KIF26B: variants seen among roughly 807,000 people sequenced by gnomAD.
KIF26B encodes kinesin-like protein KIF26B.
A neutral mutation model predicts 151.2 loss-of-function variants in KIF26B; 63 were observed. The observed-to-expected ratio is 0.42, with a 90% CI of 0.34 to 0.51. KIF26B has a LOEUF of 0.51. Ranked by LOEUF, KIF26B falls within the 20% of genes least tolerant of loss-of-function variation. The probability of loss-of-function intolerance (pLI) is 0.07; values close to 1 mark genes in which losing one functional copy is unlikely to be tolerated. For synonymous variants in KIF26B, 1,357 were observed against 1,262.1 expected, an observed-to-expected ratio of 1.08 and a Z score of -1.59; for missense variants, 2,813 against 2,913.6, an observed-to-expected ratio of 0.97 and a Z score of 0.79.
intron 2 of KIF26B, among the ~76,000 whole-genome samples, chr1:245,323,160 A>G (rs1029358912): frequency 2.0e-5 from 3 of 152,216 alleles, no homozygotes; most frequent in African/African-American, 7.2e-5. Flanking sequence ...TATCTTATTA[A>G]TGTTCACATG....
chr1:245,249,761 G>A (rs1670408608), intron 2 of KIF26B, among the ~76,000 whole-genome samples: 1 of 152,134 alleles, frequency 6.6e-6, no homozygotes, highest in Admixed American at 6.5e-5. Flanking sequence ...GGGATTACAG[G>A]CGTGAGCCAC....
chr1:245,442,990 G>C (rs1189363406), intron 4 of KIF26B, among the ~76,000 whole-genome samples: 10 of 43,614 alleles, frequency 2.3e-4, no homozygotes, highest in Admixed American at 1.1e-3. Flanking sequence ...TGTTCACCTA[G>C]AGCGGTCATC....
intron 2 of KIF26B, among the ~76,000 whole-genome samples, chr1:245,159,372 T>A (rs1668498197): frequency 6.6e-6 from 1 of 152,224 alleles, no homozygotes; most frequent in African/African-American, 2.4e-5. Flanking sequence ...TTGGTTCTTC[T>A]TCACCACTGA....
At chr1:245,341,732 T>G (rs564526313) in intron 2 of KIF26B, among the ~76,000 whole-genome samples, 1 of 152,310 alleles carries the variant, frequency 6.6e-6, no homozygotes, top group African/African-American at 2.4e-5. Flanking sequence ...TTCTCCACAT[T>G]GAAAAGTTCC....
intron 4 of KIF26B, among the ~76,000 whole-genome samples, chr1:245,539,943 G>C (rs145710640): frequency 6.6e-6 from 1 of 152,166 alleles, no homozygotes; most frequent in African/African-American, 2.4e-5. Flanking sequence ...GTGAGCCACC[G>C]TGCCTGGCCA....
intron 4 of KIF26B, among the ~76,000 whole-genome samples, chr1:245,532,398 A>G (rs1365520236): frequency 6.6e-6 from 1 of 151,508 alleles, no homozygotes; most frequent in African/African-American, 2.4e-5. Flanking sequence ...GGCGCCCGCC[A>G]CCATGCCCAG....
chr1:245,300,480 A>G (rs1413184116), intron 2 of KIF26B, among the ~76,000 whole-genome samples: 1 of 151,926 alleles, frequency 6.6e-6, no homozygotes, highest in Non-Finnish European at 1.5e-5. Flanking sequence ...CTTAAAACAC[A>G]ATCATCATCC....
intron 4 of KIF26B, among the ~76,000 whole-genome samples, chr1:245,468,707 AG>A (rs1317034274): frequency 1.3e-5 from 2 of 151,850 alleles, no homozygotes; most frequent in Non-Finnish European, 2.9e-5. Context: ...GAGGTGAGGG[AG>A]GGGCTTTGTT....
At chr1:245,616,348 C>G (rs981912194) in intron 9 of KIF26B, among the ~76,000 whole-genome samples, 32 of 152,208 alleles carry the variant, frequency 2.1e-4, no homozygotes, top group Non-Finnish European at 1.5e-5. Flanking sequence ...AGCTTGAGAG[C>G]CTCCTCGGGA....
At chr1:245,320,712 C>T (rs1471854513) in intron 2 of KIF26B, among the ~76,000 whole-genome samples, 1 of 152,086 alleles carries the variant, frequency 6.6e-6, no homozygotes, top group Non-Finnish European at 1.5e-5. Flanking sequence ...TTAGTCTCCT[C>T]TGTCACCCAG....
intron 3 of KIF26B, among the ~76,000 whole-genome samples, chr1:245,396,718 C>T (rs1274067921): frequency 6.6e-6 from 1 of 152,134 alleles, no homozygotes; most frequent in African/African-American, 2.4e-5. Flanking sequence ...AATATAGATG[C>T]CAATTATCCA....
chr1:245,471,229 C>A (rs1329289244), intron 4 of KIF26B, among the ~76,000 whole-genome samples: 1 of 151,934 alleles, frequency 6.6e-6, no homozygotes, highest in Non-Finnish European at 1.5e-5. Flanking sequence ...CTCCCAGGTT[C>A]GTGCAGTTCT....
At chr1:245,651,175 A>G (rs1296920890) in intron 10 of KIF26B, among the ~76,000 whole-genome samples, 2 of 152,202 alleles carry the variant, frequency 1.3e-5, no homozygotes, top group Non-Finnish European at 2.9e-5. Context: ...GGCCCTAGTG[A>G]GGAGTCAGGA....
At chr1:245,612,099 TGTGTGTGAGAGAGA>T (rs1365702952) in intron 9 of KIF26B, 123 bp downstream of exon 9, 579 of 589,378 alleles carry the variant, frequency 9.8e-4, no homozygotes, top group African/African-American at 1.7e-3. Context: ...TGTGTGTGTG[TGTGTGTGAGAGAGA>T]GAGAGAGAGA....
At chr1:245,265,247 T>A (rs1670724652) in intron 2 of KIF26B, among the ~76,000 whole-genome samples, 1 of 150,186 alleles carries the variant, frequency 6.7e-6, no homozygotes, top group Non-Finnish European at 1.5e-5. Context: ...GAGAGACTTA[T>A]TATGAAGCAA....
rs181254247 is a variant in KIF26B, at chr1:245,560,364, C to T, written c.1350+19414C>T. 1.1e-3 allele frequency among the ~76,000 whole-genome samples: 163 copies of T among 152,166 alleles called. No individual in the cohort carries two copies. The highest frequency in any genetic ancestry group is 3.7e-3 in the African/African-American group (154 of 41,514). On this transcript the variant is annotated intron_variant, in intron 5 of 14. Coordinates refer to ENST00000407071, the MANE Select transcript of KIF26B (RefSeq NM_018012.4). The surrounding 1 kb of genome is among the most constrained non-coding windows in gnomAD (Gnocchi z 4.3). ...GAGGAGAGAGACTTGTTGAGCTATGCGTGGAGTGCTGCCTGACAGCTTGCT... is the reference window on the plus strand; with the variant it reads ...GAGGAGAGAGACTTGTTGAGCTATGTGTGGAGTGCTGCCTGACAGCTTGCT...
intron 10 of KIF26B, among the ~76,000 whole-genome samples, chr1:245,681,431 G>T (rs181432579): frequency 1.3e-5 from 2 of 152,070 alleles, no homozygotes; most frequent in African/African-American, 2.4e-5. Context: ...GGATGTTCTT[G>T]ATCTCCTGAC....
rs1016576468 is a variant in KIF26B, at chr1:245,476,815, C to T, written c.1166+57070C>T. On this transcript the variant is annotated intron_variant, in intron 4 of 14. Coordinates refer to ENST00000407071, the MANE Select transcript of KIF26B (RefSeq NM_018012.4). Reference sequence around the variant, plus strand: ...TGCTGGGATTACAGACGAGAGCCACCGCACCTGGCCACCCCTTTTATACTT... The same window carrying T: ...TGCTGGGATTACAGACGAGAGCCACTGCACCTGGCCACCCCTTTTATACTT... 4.0e-5 allele frequency among the ~76,000 whole-genome samples: 6 copies of T among 151,706 alleles called. 1 individual carries two copies. Among genetic ancestry groups the T allele is most frequent in the African/African-American group, 1.5e-4 (6 of 41,370 alleles).
At chr1:245,526,886 A>C (rs1661246701) in intron 4 of KIF26B, among the ~76,000 whole-genome samples, 1 of 152,266 alleles carries the variant, frequency 6.6e-6, no homozygotes, top group Non-Finnish European at 1.5e-5. Flanking sequence ...TTTCAAAATA[A>C]AGCTCTATTT....
Sources: gnomAD v4.1 joint callset for allele counts (sites outside exome capture counted in the v4.1 genomes callset) on GRCh38, gnomAD v4.1.1 for gene constraint, Gnocchi (gnomAD v3.1) non-coding constraint, MANE v1.5 for transcripts, NCBI Gene and HGNC (gene_info 2026-07-23, HGNC 2026-07-21) for gene names.